WWC1: variants seen among roughly 807,000 people sequenced by gnomAD.
WWC1 encodes WW and C2 domain containing 1, also known as protein KIBRA.
A neutral mutation model predicts 138.4 loss-of-function variants in WWC1; 55 were observed. The observed-to-expected ratio is 0.40, with a 90% CI of 0.32 to 0.50. The LOEUF (loss-of-function observed/expected upper bound fraction) is 0.50, where lower values mean the gene tolerates loss of function less well. Among genes scored for constraint, WWC1 ranks in the 20% least tolerant of loss-of-function variants. The probability of loss-of-function intolerance (pLI) is 0.72; values close to 1 mark genes in which losing one functional copy is unlikely to be tolerated. For synonymous variants in WWC1, 524 were observed against 564.9 expected, an observed-to-expected ratio of 0.93 and a Z score of 1.03; for missense variants, 1,226 against 1,420.4, an observed-to-expected ratio of 0.86 and a Z score of 2.20.
At chr5:168,376,830 C>T (rs878955937) in intron 2 of WWC1, among the ~76,000 whole-genome samples, 1 of 152,132 alleles carries the variant, frequency 6.6e-6, no homozygotes, top group Non-Finnish European at 1.5e-5. Context: ...TTGGAAGAAT[C>T]AATATTGTTT....
chr5:168,323,065 A>G (rs1314437353), intron 1 of WWC1, among the ~76,000 whole-genome samples: 1 of 152,238 alleles, frequency 6.6e-6, no homozygotes, highest in East Asian at 1.9e-4. Flanking sequence ...TCGTTTCTTT[A>G]AAAGATAATT....
intron 17 of WWC1, 109 bp downstream of exon 17, chr5:168,444,694 C>T: frequency 2.6e-6 from 3 of 1,155,114 alleles, no homozygotes; most frequent in Non-Finnish European, 3.8e-6. Flanking sequence ...ACTGGGAAGG[C>T]TGAGAACCCC....
At chr5:168,434,131 C>T (rs377413858) in intron 15 of WWC1, among the ~76,000 whole-genome samples, 3 of 152,200 alleles carry the variant, frequency 2.0e-5, no homozygotes, top group Admixed American at 6.5e-5. Flanking sequence ...CATTCCTAAG[C>T]GAGAAGAGGC....
At position 168,456,763 on chromosome 5, in the gene WWC1, A is replaced by T. The variant is rs78111042; in HGVS notation, c.2823+1243A>T. Among the ~76,000 whole-genome samples, 270 of 151,554 alleles carry T rather than the reference A, an allele frequency of 1.8e-3. 3 individuals carry two copies. In the East Asian group the frequency reaches 0.031, roughly 17 times the overall value. On this transcript the variant is annotated intron_variant, in intron 19 of 22. Transcript: ENST00000265293. ...GCAGTAGAAATCAAACACAAAGAGA[A>T]GAATGTCACTCATCAGAAAAATCCC...
intron 9 of WWC1, 102 bp from the exon 10 acceptor site, chr5:168,421,906 T>G (rs535363906): frequency 1.1e-6 from 1 of 946,212 alleles, no homozygotes; most frequent in African/African-American, 1.6e-5. Context: ...GTCAAATGCT[T>G]TACGGAAAGT....
rs114951728 is a variant in WWC1 at position 168,446,594 on chromosome 5, C to T, written c.2525+2009C>T. ...TTCAGAAAGCAAAACTCCTCTGTAA[C>T]TAGCACCAAATCAAGAAGCAGAATG... On this transcript the variant is annotated intron_variant, in intron 17 of 22. Coordinates refer to ENST00000265293, the MANE Select transcript of WWC1 (RefSeq NM_015238.3). Among the ~76,000 whole-genome samples the T allele has an allele frequency of 5.6e-3, 847 of 152,294 alleles. 8 individuals carry two copies. The highest frequency in any genetic ancestry group is 0.019 in the African/African-American group (809 of 41,552).
At chr5:168,384,475 A>G (rs773806307) in intron 2 of WWC1, among the ~76,000 whole-genome samples, 2 of 152,172 alleles carry the variant, frequency 1.3e-5, no homozygotes, top group African/African-American at 2.4e-5. Flanking sequence ...GCATTGTCAG[A>G]TAGTCTTCTA....
At chr5:168,355,095 A>G (rs1187510143) in intron 1 of WWC1, among the ~76,000 whole-genome samples, 1 of 152,192 alleles carries the variant, frequency 6.6e-6, no homozygotes, top group Non-Finnish European at 1.5e-5. Context: ...ACTCTGTTGG[A>G]ATGGGAGAGA....
chr5:168,364,457 C>T lies in WWC1; in HGVS notation c.120-6967C>T, dbSNP rs528615320. On this transcript the variant is annotated intron_variant, in intron 1 of 22. Transcript: ENST00000265293. ...TACCTGTGGCTCAGGCCGCGGGTAG[C>T]GTTACAGCCACATACACTCCCATGG... Among the ~76,000 whole-genome samples the T allele has an allele frequency of 7.2e-5, 11 of 152,312 alleles. No homozygotes were observed. The East Asian group carries it at 1.4e-3, about 19-fold the overall frequency.
rs1281726504 is a variant in WWC1, at chr5:168,292,076, A to C, written c.-77A>C. ...GGTGCCTCGGCGGCCGCCCGGGCTA[A>C]GAGCGGCCGGCTGGAGCCGCTGAGC... On this transcript the variant is annotated 5_prime_UTR_variant, in exon 1 of 23. Transcript: ENST00000265293. The surrounding 1 kb of genome is among the most constrained non-coding windows in gnomAD (Gnocchi z 4.4). 7.0e-7 allele frequency: 1 copy of C among 1,422,596 alleles called. No homozygotes were observed. The highest frequency in any genetic ancestry group is 3.2e-5 in the Admixed American group (1 of 30,988). 88.1% of individuals were successfully genotyped at this position (1,422,596 alleles called of 1,614,324 possible). A position where few individuals can be genotyped will look rare whatever the true frequency, so the allele number is the denominator to read the frequency against.
chr5:168,385,149 AG>A, intron 2 of WWC1, 61 bp from the exon 3 acceptor site: 1 of 1,578,162 alleles, frequency 6.3e-7, no homozygotes, highest in Middle Eastern at 1.7e-4. Context: ...TGGATACCAC[AG>A]GCCACCAGCC....
chr5:168,307,799 G>A (rs1480820757), intron 1 of WWC1, among the ~76,000 whole-genome samples: 2 of 151,804 alleles, frequency 1.3e-5, no homozygotes. Context: ...AGAGTCAGAA[G>A]TGGGTTTTCA....
intron 1 of WWC1, among the ~76,000 whole-genome samples, chr5:168,313,334 T>C (rs1277700012): frequency 3.3e-5 from 5 of 152,052 alleles, no homozygotes; most frequent in Non-Finnish European, 5.9e-5. Context: ...CTCATGCCTG[T>C]AGTCCCAGAA....
chr5:168,464,924 G>A lies in WWC1; in HGVS notation c.3112G>A (p.Glu1038Lys), dbSNP rs1368568779. ...GCTGCCACAGTGGTTGCGTGAGGAC[G>A]AGCGTTTCCGCCTGCTGCTGAGGAT... is the stretch of plus-strand genomic sequence containing the variant. ...KELPQWLRED[E>K]RFRLLLRMLE... Residue 1038 changes from glutamate to lysine, a missense_variant, in exon 21 of 23, where the codon GAG becomes AAG. By Grantham distance (56) the Glu-to-Lys change is moderately conservative (BLOSUM62 1). This residue lies in a region of WWC1 where 206 missense variants were observed against 247.4 expected (regional missense o/e 0.83). Coordinates refer to ENST00000265293, the MANE Select transcript of WWC1 (RefSeq NM_015238.3). 30 of 1,614,146 alleles carry A rather than the reference G, an allele frequency of 1.9e-5. No individual in the cohort carries two copies. The highest frequency in any genetic ancestry group is 2.2e-5 in the East Asian group (1 of 44,864).
chr5:168,405,612 A>G (rs1009929937), intron 5 of WWC1, among the ~76,000 whole-genome samples: 1 of 152,142 alleles, frequency 6.6e-6, no homozygotes, highest in Non-Finnish European at 1.5e-5. Flanking sequence ...AAGGCTTCCC[A>G]TAAGAGCTGA....
chr5:168,298,290 C>T (rs1320783668), intron 1 of WWC1, among the ~76,000 whole-genome samples: 2 of 152,080 alleles, frequency 1.3e-5, no homozygotes, highest in East Asian at 1.9e-4. Context: ...CCGCCTGCCT[C>T]AGCCTCCCAA....
rs1246484253 is a variant in WWC1, at chr5:168,471,153, CT to C, written c.*2137del. Reference sequence around the variant, plus strand: ...ACTTGCTGCTGAGGCTCTTCCCCCTCTCCCCAGCATACTCCTTACCTGGCTG... The same window carrying C: ...ACTTGCTGCTGAGGCTCTTCCCCCTCCCCCAGCATACTCCTTACCTGGCTG... On this transcript the variant is annotated 3_prime_UTR_variant, in exon 23 of 23. Coordinates refer to ENST00000265293, the MANE Select transcript of WWC1 (RefSeq NM_015238.3). 1 of 152,470 alleles carries C rather than the reference CT, an allele frequency of 6.6e-6. No homozygotes were observed. 9.4% of individuals were successfully genotyped at this position (152,470 alleles called of 1,614,324 possible).
intron 1 of WWC1, among the ~76,000 whole-genome samples, chr5:168,363,678 T>C (rs1776065623): frequency 2.0e-5 from 3 of 152,282 alleles, no homozygotes; most frequent in Middle Eastern, 3.4e-3. Flanking sequence ...GTATAAAACC[T>C]AACTCATCCT....
At chr5:168,423,145 C>CT (rs1276468082) in intron 10 of WWC1, among the ~76,000 whole-genome samples, 1 of 89,480 alleles carries the variant, frequency 1.1e-5, no homozygotes, top group Non-Finnish European at 2.3e-5. Flanking sequence ...ACTCCATCCC[C>CT]CCCCAAAAAA....
Sources: allele counts gnomAD v4.1 joint callset (sites outside exome capture counted in the v4.1 genomes callset), GRCh38; gene constraint gnomAD v4.1.1; regional missense constraint gnomAD v4.1.1; non-coding constraint Gnocchi (gnomAD v3.1); transcripts MANE v1.5; gene names NCBI Gene and HGNC (gene_info 2026-07-23, HGNC 2026-07-21).